The following TTC6 variants were observed in gnomAD, a reference collection of about 807,000 sequenced individuals.
TTC6 encodes tetratricopeptide repeat domain 6, also known as tetratricopeptide repeat protein 6.
TTC6 carries 172 observed loss-of-function variants against 210.4 expected under a neutral mutation model. The ratio of observed to expected loss-of-function variants is 0.82; its 90% CI spans 0.72 to 0.93. The LOEUF (loss-of-function observed/expected upper bound fraction) is 0.93. Among genes scored for constraint, TTC6 ranks in the 40% least tolerant of loss-of-function variants. The pLI, the probability that TTC6 is intolerant of heterozygous loss-of-function variation, is 0.00. For missense variants in TTC6, 2,414 were observed against 2,318.1 expected (o/e 1.04, Z -0.85); for synonymous variants, 804 against 819.6 (o/e 0.98, Z 0.32).
chr14:37,685,399 A>T (rs1337474959), intron 3 of TTC6, among the ~76,000 whole-genome samples: 3 of 152,188 alleles, frequency 2.0e-5, no homozygotes, highest in Middle Eastern at 3.2e-3. Context: ...GAATGGGTTT[A>T]GTCCTATGAA....
intron 29 of TTC6, among the ~76,000 whole-genome samples, chr14:37,841,100 C>A (rs866682566): frequency 6.6e-6 from 1 of 152,170 alleles, no homozygotes; most frequent in Non-Finnish European, 1.5e-5. Context: ...AACTCCTGAC[C>A]TCAGGTGATC....
At chr14:37,679,785 G>A (rs1566882928) in intron 1 of TTC6, among the ~76,000 whole-genome samples, 1 of 151,962 alleles carries the variant, frequency 6.6e-6, no homozygotes, top group Non-Finnish European at 1.5e-5. Context: ...CTTCCTCCTG[G>A]GTTCAAGCAA....
chr14:37,769,777 A>T (rs1206295557), intron 14 of TTC6, among the ~76,000 whole-genome samples: 2 of 151,596 alleles, frequency 1.3e-5, no homozygotes, highest in Non-Finnish European at 2.9e-5. Flanking sequence ...TAATTTTTTG[A>T]ATGGTTTTTT....
exon 17 of TTC6, chr14:37,792,400 G>A (rs1325996001): frequency 6.6e-6 from 10 of 1,509,394 alleles, no homozygotes; most frequent in Non-Finnish European, 8.8e-6. Context: ...TTGTCGGGCG[G>A]AAACCTATTT....
At chr14:37,700,689 G>A (rs1222673924) in intron 4 of TTC6, among the ~76,000 whole-genome samples, 1 of 128,220 alleles carries the variant, frequency 7.8e-6, no homozygotes, top group Non-Finnish European at 1.6e-5. Context: ...GTTGCAGTGA[G>A]CCAAGATTGT....
intron 6 of TTC6, among the ~76,000 whole-genome samples, chr14:37,715,830 A>G (rs1434979004): frequency 2.0e-5 from 3 of 152,204 alleles, no homozygotes; most frequent in Admixed American, 1.3e-4. Flanking sequence ...TACCTAACCT[A>G]AAAGAATGGC....
intron 14 of TTC6, among the ~76,000 whole-genome samples, chr14:37,759,742 A>G (rs1262566116): frequency 6.6e-6 from 1 of 152,058 alleles, no homozygotes; most frequent in Non-Finnish European, 1.5e-5. Flanking sequence ...ATCTTACTTC[A>G]GTAAGTTTAT....
chr14:37,790,193 C>T (rs535696977), intron 15 of TTC6, among the ~76,000 whole-genome samples: 2 of 152,188 alleles, frequency 1.3e-5, no homozygotes, highest in Middle Eastern at 3.4e-3. Context: ...GCTCTGTTTG[C>T]CTTGGTGTAG....
chr14:37,745,276 T>C (rs2095932538), intron 10 of TTC6, among the ~76,000 whole-genome samples: 1 of 152,208 alleles, frequency 6.6e-6, no homozygotes, highest in African/African-American at 2.4e-5. Flanking sequence ...ATTAAATTTG[T>C]GATAATTTAT....
chr14:37,814,199 T>G (rs2096136271), intron 25 of TTC6, among the ~76,000 whole-genome samples: 1 of 152,178 alleles, frequency 6.6e-6, no homozygotes, highest in Admixed American at 6.5e-5. Context: ...GATCTCATTG[T>G]CAAACATTCT....
intron 12 of TTC6, 43 bp from the exon 15 acceptor site, chr14:37,751,010 A>G: frequency 7.5e-7 from 1 of 1,337,954 alleles, no homozygotes; most frequent in South Asian, 1.6e-5. Flanking sequence ...CATAGGAATG[A>G]AAGGATTATA....
chr14:37,835,812 T>G (rs1326200735), intron 29 of TTC6, among the ~76,000 whole-genome samples: 1 of 152,214 alleles, frequency 6.6e-6, no homozygotes, highest in African/African-American at 2.4e-5. Context: ...ATCTTGAGTC[T>G]TTCTTGCTTT....
chr14:37,795,691 A>G (rs1211440242), intron 18 of TTC6, among the ~76,000 whole-genome samples: 1 of 152,152 alleles, frequency 6.6e-6, no homozygotes, highest in African/African-American at 2.4e-5. Flanking sequence ...TATGTCCACA[A>G]TCAAACATAA....
At chr14:37,606,345 C>T (rs1054420746) in intron 1 of TTC6, among the ~76,000 whole-genome samples, 1 of 152,154 alleles carries the variant, frequency 6.6e-6, no homozygotes, top group Admixed American at 6.5e-5. Context: ...TTTGGACTTA[C>T]AAATGGGTTT....
rs367685907 is a variant in TTC6 at position 37,818,457 on chromosome 14, C to CT, written c.4763+813dup. 6.2e-3 allele frequency among the ~76,000 whole-genome samples: 939 copies of CT among 152,052 alleles called. 7 individuals carry two copies. Among genetic ancestry groups the CT allele is most frequent in the African/African-American group, 0.02 (847 of 41,488 alleles). Reference sequence around the variant, plus strand: ...TATTTGGTTAAATAATAGTTTATAGCTTTTTTTCCCCTAAGAAACAAATAA... The same window carrying CT: ...TATTTGGTTAAATAATAGTTTATAGCTTTTTTTTCCCCTAAGAAACAAATAA... On this transcript the variant is annotated intron_variant, in intron 26 of 30. Coordinates refer to ENST00000553443, the Ensembl canonical transcript of TTC6.
rs191627491 is a variant in TTC6, at chr14:37,727,356, C to T, written c.1818+2354C>T. Reference sequence around the variant, plus strand: ...ATCACCAGGCTGGAGTGCAGTGGTGCGATCTTGGCTCACTGCAACCTCTGC... The same window carrying T: ...ATCACCAGGCTGGAGTGCAGTGGTGTGATCTTGGCTCACTGCAACCTCTGC... On this transcript the variant is annotated intron_variant, in intron 7 of 30. Transcript: ENST00000553443. Among the ~76,000 whole-genome samples the T allele has an allele frequency of 4.3e-3, 573 of 131,956 alleles. 5 individuals carry two copies. Among genetic ancestry groups the T allele is most frequent in the African/African-American group, 0.014 (488 of 35,134 alleles). The allele number at this position is 131,956 out of a possible 152,430, so 86.6% of individuals were successfully genotyped here. A position where few individuals can be genotyped will look rare whatever the true frequency, so the allele number is the denominator to read the frequency against.
At chr14:37,615,562 C>A (rs546596234) in intron 2 of TTC6, among the ~76,000 whole-genome samples, 15 of 152,100 alleles carry the variant, frequency 9.9e-5, no homozygotes, top group African/African-American at 3.4e-4. Context: ...TTTTCCTAAT[C>A]AAATTTTTTT....
intron 14 of TTC6, among the ~76,000 whole-genome samples, chr14:37,785,692 A>G (rs1241265339): frequency 2.0e-5 from 3 of 152,122 alleles, no homozygotes; most frequent in African/African-American, 7.2e-5. Context: ...TTTGGAGGAG[A>G]AGAGGTGCTC....
At chr14:37,727,399 T>C (rs1159129596) in intron 7 of TTC6, among the ~76,000 whole-genome samples, 1 of 148,330 alleles carries the variant, frequency 6.7e-6, no homozygotes, top group African/African-American at 2.5e-5. Context: ...GTTCAAGCAA[T>C]TCCCCTGCCT....
Sources: gnomAD v4.1 joint callset for allele counts (sites outside exome capture counted in the v4.1 genomes callset) on GRCh38, gnomAD v4.1.1 for gene constraint, MANE v1.5 for transcripts, NCBI Gene and HGNC (gene_info 2026-07-23, HGNC 2026-07-21) for gene names.